Variants in SNTG1 observed in about 807,000 individuals in gnomAD.
SNTG1 encodes gamma-1-syntrophin.
Under a neutral mutation model 74.7 loss-of-function variants are expected in SNTG1, and 39 were observed. The ratio of observed to expected loss-of-function variants is 0.52; its 90% CI spans 0.40 to 0.68. The LOEUF is 0.68. Among genes scored for constraint, SNTG1 ranks in the 30% least tolerant of loss-of-function variants. The pLI is 0.00. For synonymous variants in SNTG1, 254 were observed against 217.1 expected (o/e 1.17, Z -1.49); for missense variants, 685 against 609.5 (o/e 1.12, Z -1.30).
chr8:50,473,508 A>G (rs936026910), intron 8 of SNTG1, among the ~76,000 whole-genome samples: 4 of 152,172 alleles, frequency 2.6e-5, no homozygotes, highest in African/African-American at 9.7e-5. Flanking sequence ...GAACAGTATG[A>G]TGGTTCCTCA....
chr8:50,260,789 A>T (rs904305720), intron 2 of SNTG1, among the ~76,000 whole-genome samples: 2 of 151,984 alleles, frequency 1.3e-5, no homozygotes. Context: ...AGAAATTAAA[A>T]GTATTGCAAA....
At chr8:50,053,072 A>G (rs1228263812) in intron 1 of SNTG1, among the ~76,000 whole-genome samples, 1 of 152,154 alleles carries the variant, frequency 6.6e-6, no homozygotes, top group African/African-American at 2.4e-5. Flanking sequence ...AAATGAAACC[A>G]CGTCCCATAT....
intron 17 of SNTG1, among the ~76,000 whole-genome samples, chr8:50,724,761 C>T (rs1011618795): frequency 2.6e-5 from 4 of 152,030 alleles, no homozygotes; most frequent in Non-Finnish European, 4.4e-5. Context: ...CAACTCTGTG[C>T]TCTATTAATT....
At chr8:50,105,923 C>A (rs952458994) in intron 1 of SNTG1, among the ~76,000 whole-genome samples, 2 of 151,932 alleles carry the variant, frequency 1.3e-5, no homozygotes, top group Non-Finnish European at 2.9e-5. Context: ...GATCTGGAAG[C>A]TTTTGGGTAA....
chr8:50,208,526 T>C (rs1307684510), intron 2 of SNTG1, among the ~76,000 whole-genome samples: 1 of 152,210 alleles, frequency 6.6e-6, no homozygotes, highest in Non-Finnish European at 1.5e-5. Flanking sequence ...TTTACCATTC[T>C]GTGTCTTTTA....
chr8:49,984,785 T>C (rs1471699688), intron 1 of SNTG1, among the ~76,000 whole-genome samples: 1 of 152,156 alleles, frequency 6.6e-6, no homozygotes, highest in Non-Finnish European at 1.5e-5. Flanking sequence ...AAGGAATTCT[T>C]ACATGGCTGA....
chr8:50,399,149 C>T (rs2092767954), intron 3 of SNTG1, among the ~76,000 whole-genome samples: 1 of 152,016 alleles, frequency 6.6e-6, no homozygotes, highest in Non-Finnish European at 1.5e-5. Flanking sequence ...TTTAACTGAT[C>T]TGTTTTAGCA....
At chr8:50,720,786 A>G (rs2095485938) in intron 17 of SNTG1, among the ~76,000 whole-genome samples, 1 of 152,244 alleles carries the variant, frequency 6.6e-6, no homozygotes, top group Admixed American at 6.5e-5. Context: ...CTGCCTTCAA[A>G]GCATTATTGT....
At chr8:50,080,465 GTTA>G (rs1822303113) in intron 1 of SNTG1, among the ~76,000 whole-genome samples, 1 of 152,000 alleles carries the variant, frequency 6.6e-6, no homozygotes, top group Non-Finnish European at 1.5e-5. Flanking sequence ...ATTTAAACTT[GTTA>G]TTATTATGTG....
At chr8:50,358,925 A>G (rs1488499219) in intron 2 of SNTG1, among the ~76,000 whole-genome samples, 1 of 152,080 alleles carries the variant, frequency 6.6e-6, no homozygotes, top group Non-Finnish European at 1.5e-5. Context: ...ACGGTTTGAT[A>G]CTCCTTTGTT....
intron 18 of SNTG1, among the ~76,000 whole-genome samples, chr8:50,754,644 T>C (rs1225453186): frequency 6.6e-6 from 1 of 151,936 alleles, no homozygotes; most frequent in East Asian, 1.9e-4. Context: ...ATTTTTATAT[T>C]GTGGTCTGTA....
chr8:50,217,228 C>T (rs2084833306), intron 2 of SNTG1, among the ~76,000 whole-genome samples: 1 of 151,892 alleles, frequency 6.6e-6, no homozygotes, highest in Admixed American at 6.6e-5. Flanking sequence ...CTGGTACACA[C>T]CATAATTTGT....
intron 13 of SNTG1, among the ~76,000 whole-genome samples, chr8:50,592,567 G>A (rs2094698777): frequency 6.6e-6 from 1 of 152,088 alleles, no homozygotes; most frequent in African/African-American, 2.4e-5. Context: ...AAATAAGTGA[G>A]AATTTGAATA....
intron 15 of SNTG1, among the ~76,000 whole-genome samples, chr8:50,691,015 T>C: frequency 6.6e-6 from 1 of 152,228 alleles, no homozygotes; most frequent in Non-Finnish European, 1.5e-5. Flanking sequence ...GCCTTCTTTG[T>C]CTCTTTTGAT....
intron 2 of SNTG1, among the ~76,000 whole-genome samples, chr8:50,192,658 AG>A (rs1363244885): frequency 2.7e-5 from 4 of 149,082 alleles, no homozygotes; most frequent in African/African-American, 9.8e-5. Context: ...CAGTTTAAAT[AG>A]GTCCCAGCTA....
chr8:50,351,680 A>G (rs962480420), intron 2 of SNTG1, among the ~76,000 whole-genome samples: 14 of 152,336 alleles, frequency 9.2e-5, no homozygotes, highest in Admixed American at 3.9e-4. Context: ...CTGCATTACA[A>G]TTTTAAAACT....
intron 15 of SNTG1, among the ~76,000 whole-genome samples, chr8:50,676,808 G>A (rs906718399): frequency 1.3e-5 from 2 of 151,614 alleles, no homozygotes; most frequent in African/African-American, 4.8e-5. Flanking sequence ...TGTTTAAAAA[G>A]TTATATTCTC....
At position 50,077,695 on chromosome 8, in the gene SNTG1, A is replaced by C. The variant is rs140527932; in HGVS notation, c.-102-94866A>C. On this transcript the variant is annotated intron_variant, in intron 1 of 18. Coordinates refer to ENST00000642720, the MANE Select transcript of SNTG1 (RefSeq NM_018967.5). ...TAGAACTAAATTTTAGATCACTTCC[A>C]TCATCCTAAAGTGCTTGCTTGTACC... 3.5e-3 allele frequency among the ~76,000 whole-genome samples: 536 copies of C among 152,302 alleles called. 4 individuals are homozygous for C. Among genetic ancestry groups the C allele is most frequent in the African/African-American group, 0.012 (517 of 41,570 alleles).
chr8:50,298,735 T>C (rs1563862932), intron 2 of SNTG1, among the ~76,000 whole-genome samples: 1 of 152,184 alleles, frequency 6.6e-6, no homozygotes, highest in Non-Finnish European at 1.5e-5. Flanking sequence ...TTATTGTATG[T>C]GAAGAGTGAA....
Sources: allele counts gnomAD v4.1 joint callset (sites outside exome capture counted in the v4.1 genomes callset), GRCh38; gene constraint gnomAD v4.1.1; transcripts MANE v1.5; gene names NCBI Gene and HGNC (gene_info 2026-07-23, HGNC 2026-07-21).